Variants in CACNB2 observed in about 807,000 individuals in gnomAD.
The protein encoded by CACNB2 is calcium voltage-gated channel auxiliary subunit beta 2.
In CACNB2, 42 loss-of-function variants were observed where a neutral mutation model predicts 73.3. That is an observed-to-expected ratio of 0.57 (90% CI 0.45 to 0.74). The LOEUF (loss-of-function observed/expected upper bound fraction) is 0.74. Ranked by LOEUF, CACNB2 falls within the 30% of genes least tolerant of loss-of-function variation. The probability of loss-of-function intolerance (pLI) is 0.00; values close to 1 mark genes in which losing one functional copy is unlikely to be tolerated. For synonymous variants in CACNB2, 348 were observed against 310.3 expected (o/e 1.12, Z -1.28); for missense variants, 940 against 853.0 (o/e 1.10, Z -1.27).
chr10:18,491,222 G>A (rs770911124), intron 3 of CACNB2, among the ~76,000 whole-genome samples: 5 of 152,208 alleles, frequency 3.3e-5, no homozygotes, highest in Non-Finnish European at 7.3e-5. Context: ...TATTTATGAT[G>A]GACCATGCAG....
At position 18,140,800 on chromosome 10, in the gene CACNB2, C is replaced by T. The variant is rs1328545245; in HGVS notation, c.64C>T (p.Gln22Ter). The T allele has an allele frequency of 6.2e-7, 1 of 1,603,768 alleles. No homozygotes were observed. ...TAAAAVAQEI[Q>*]MELLENVAPA... Reference sequence around the variant, plus strand: ...GGCGGCGGCGGTGGCGCAGGAGATCCAGATGGAACTGCTAGAGAACGTGGC... The same window carrying T: ...GGCGGCGGCGGTGGCGCAGGAGATCTAGATGGAACTGCTAGAGAACGTGGC... Residue 22 changes from glutamine to a stop codon, truncating the protein, a stop_gained, in exon 1 of 14, where the codon CAG (glutamine) becomes TAG (stop). Transcript: ENST00000324631. LOFTEE classifies it high-confidence loss of function.
chr10:18,487,106 A>G (rs574890402), intron 3 of CACNB2, among the ~76,000 whole-genome samples: 8 of 152,270 alleles, frequency 5.3e-5, no homozygotes, highest in Admixed American at 5.2e-4. Context: ...TGACATTTGC[A>G]TGGTGCATGA....
chr10:18,466,550 G>C lies in CACNB2; in HGVS notation c.334-31805G>C, dbSNP rs570975287. On this transcript the variant is annotated intron_variant, in intron 3 of 13. Transcript: ENST00000324631. ...TTTTTGGTCATGGTTGTTAATTTTTGAATTATATGAAAGTCCTACATAGAA... is the reference window on the plus strand; with the variant it reads ...TTTTTGGTCATGGTTGTTAATTTTTCAATTATATGAAAGTCCTACATAGAA... Among the ~76,000 whole-genome samples, 3 of 152,030 alleles carry C rather than the reference G, an allele frequency of 2.0e-5. No homozygotes were observed. The East Asian group carries it at 5.8e-4, about 29-fold the overall frequency.
At chr10:18,180,739 G>T (rs779381557) in intron 2 of CACNB2, among the ~76,000 whole-genome samples, 1 of 152,026 alleles carries the variant, frequency 6.6e-6, no homozygotes, top group African/African-American at 2.4e-5. Flanking sequence ...GGCACGGGCC[G>T]GCGGATCACG....
intron 2 of CACNB2, among the ~76,000 whole-genome samples, chr10:18,155,621 A>G (rs956740208): frequency 1.3e-5 from 2 of 152,172 alleles, no homozygotes; most frequent in East Asian, 1.9e-4. Context: ...GCTAAAGTAA[A>G]CATCATGAAA....
At chr10:18,504,697 T>A (rs887205304) in intron 5 of CACNB2, among the ~76,000 whole-genome samples, 2 of 151,508 alleles carry the variant, frequency 1.3e-5, no homozygotes, top group African/African-American at 4.8e-5. Context: ...CAGGCTGGAG[T>A]GCAGTGGCGC....
intron 2 of CACNB2, among the ~76,000 whole-genome samples, chr10:18,251,016 A>G (rs1160032492): frequency 6.6e-6 from 1 of 152,232 alleles, no homozygotes; most frequent in Non-Finnish European, 1.5e-5. Context: ...CTTTGTTGGT[A>G]AATGATATGC....
intron 5 of CACNB2, among the ~76,000 whole-genome samples, chr10:18,503,398 A>G (rs1231116947): frequency 6.6e-6 from 1 of 152,178 alleles, no homozygotes; most frequent in African/African-American, 2.4e-5. Context: ...GGAGTTCGAG[A>G]CCAGCCTGGT....
At chr10:18,344,982 A>G (rs541417585) in intron 2 of CACNB2, among the ~76,000 whole-genome samples, 1 of 152,308 alleles carries the variant, frequency 6.6e-6, no homozygotes, top group Admixed American at 6.5e-5. Context: ...CCTTATTTTG[A>G]GATCACTGTT....
intron 3 of CACNB2, among the ~76,000 whole-genome samples, chr10:18,460,476 T>G (rs2047511683): frequency 6.6e-6 from 1 of 152,084 alleles, no homozygotes; most frequent in Non-Finnish European, 1.5e-5. Context: ...TTATTTCTAT[T>G]TTTTCCTGTG....
At chr10:18,345,386 T>C (rs1224640092) in intron 2 of CACNB2, among the ~76,000 whole-genome samples, 1 of 152,258 alleles carries the variant, frequency 6.6e-6, no homozygotes, top group African/African-American at 2.4e-5. Context: ...AATTTCTGTT[T>C]AGTGGATTAC....
chr10:18,262,556 C>A (rs1291160823), intron 2 of CACNB2, among the ~76,000 whole-genome samples: 2 of 152,052 alleles, frequency 1.3e-5, no homozygotes, highest in African/African-American at 4.8e-5. Flanking sequence ...GGTTTTTATC[C>A]AGTCAAAAAA....
intron 10 of CACNB2, among the ~76,000 whole-genome samples, chr10:18,529,037 G>A (rs916801188): frequency 6.6e-6 from 1 of 152,098 alleles, no homozygotes; most frequent in African/African-American, 2.4e-5. Flanking sequence ...TCACTATGTT[G>A]CCCACGCTGG....
chr10:18,440,787 C>T (rs960569934), intron 3 of CACNB2, among the ~76,000 whole-genome samples: 1 of 152,186 alleles, frequency 6.6e-6, no homozygotes, highest in African/African-American at 2.4e-5. Context: ...ATTCTAGGAA[C>T]AGCCCAGATC....
chr10:18,268,759 C>CA (rs993833605), intron 2 of CACNB2, among the ~76,000 whole-genome samples: 74 of 152,284 alleles, frequency 4.9e-4, no homozygotes, highest in African/African-American at 1.8e-3. Flanking sequence ...ATTTATCCCT[C>CA]ACCTTTTCCC....
At chr10:18,538,521 G>A (rs1029283360) in intron 13 of CACNB2, among the ~76,000 whole-genome samples, 156 bp downstream of exon 13, 3 of 152,134 alleles carry the variant, frequency 2.0e-5, no homozygotes, top group African/African-American at 2.4e-5. Context: ...GTATGTACCT[G>A]TAAGAAAAGC....
At chr10:18,414,802 T>C (rs1160022416) in intron 3 of CACNB2, among the ~76,000 whole-genome samples, 1 of 152,042 alleles carries the variant, frequency 6.6e-6, no homozygotes, top group Non-Finnish European at 1.5e-5. Context: ...GCACTATAAC[T>C]GAATGTCTTT....
chr10:18,398,781 A>T (rs1051289797), intron 2 of CACNB2, among the ~76,000 whole-genome samples: 2 of 152,048 alleles, frequency 1.3e-5, no homozygotes, highest in African/African-American at 4.8e-5. Flanking sequence ...AGCTCTTTCT[A>T]TGCTTCTATG....
chr10:18,210,774 A>T (rs1417676786), intron 2 of CACNB2, among the ~76,000 whole-genome samples: 1 of 152,218 alleles, frequency 6.6e-6, no homozygotes, highest in African/African-American at 2.4e-5. Flanking sequence ...CTCATCATTG[A>T]GATCAAGGAA....
Sources: gnomAD v4.1 joint callset for allele counts (sites outside exome capture counted in the v4.1 genomes callset) on GRCh38, gnomAD v4.1.1 for gene constraint, MANE v1.5 for transcripts, NCBI Gene and HGNC (gene_info 2026-07-23, HGNC 2026-07-21) for gene names.